STXBP6: variants seen among roughly 807,000 people sequenced by gnomAD.
The protein encoded by STXBP6 is syntaxin-binding protein 6.
A neutral mutation model predicts 26.9 loss-of-function variants in STXBP6; 21 were observed. The ratio of observed to expected loss-of-function variants is 0.78; its 90% confidence interval spans 0.55 to 1.12. STXBP6 has a LOEUF of 1.12. Ranked by LOEUF, STXBP6 falls within the 50% of genes most tolerant of loss-of-function variation. The pLI, the probability that STXBP6 is intolerant of heterozygous loss-of-function variation, is 0.00. For missense variants in STXBP6, 232 were observed against 257.9 expected (o/e 0.90, Z 0.69); for synonymous variants, 97 against 92.6 (o/e 1.05, Z -0.27).
chr14:24,819,889 A>T (rs1222703004), intron 4 of STXBP6, among the ~76,000 whole-genome samples: 4 of 152,124 alleles, frequency 2.6e-5, no homozygotes, highest in African/African-American at 9.7e-5. Flanking sequence ...TCAGGACCAT[A>T]CTTAACCAGC....
intron 4 of STXBP6, among the ~76,000 whole-genome samples, chr14:24,851,434 A>G (rs764917804): frequency 4.0e-5 from 5 of 125,496 alleles, no homozygotes; most frequent in African/African-American, 6.3e-5. Flanking sequence ...TCCCCTTCCT[A>G]TGTCCATGTG....
chr14:24,855,795 T>G (rs1370637563), intron 4 of STXBP6, 141 bp downstream of exon 4: 1 of 673,976 alleles, frequency 1.5e-6, no homozygotes. Flanking sequence ...CTCCCTGGAA[T>G]GGTTCTTATG....
chr14:24,833,277 C>T (rs949918099), intron 4 of STXBP6, among the ~76,000 whole-genome samples: 6 of 152,202 alleles, frequency 3.9e-5, no homozygotes, highest in Admixed American at 3.9e-4. Context: ...GCCACAATTC[C>T]TCTTGTAGGA....
At chr14:24,822,278 T>C (rs1399906581) in intron 4 of STXBP6, among the ~76,000 whole-genome samples, 1 of 152,160 alleles carries the variant, frequency 6.6e-6, no homozygotes, top group Non-Finnish European at 1.5e-5. Flanking sequence ...TCCTCACTTT[T>C]ATCCCATACA....
Position 24,811,091 on chromosome 14 carries a change from G to T in STXBP6, c.*1618C>A, listed in dbSNP as rs1452363392. 1.3e-5 allele frequency: 2 copies of T among 152,120 alleles called. No individual in the cohort carries two copies. Among genetic ancestry groups the T allele is most frequent in the Non-Finnish European group, 2.9e-5 (2 of 67,998 alleles). 9.4% of individuals were successfully genotyped at this position (152,120 alleles called of 1,614,324 possible). A position where few individuals can be genotyped will look rare whatever the true frequency, so the allele number is the denominator to read the frequency against. ...TACAGTTTATTAAATTTTATAGAGG[G>T]TTTTCTTGAATTGGATCATCTAAAA... On this transcript the variant is annotated 3_prime_UTR_variant, in exon 6 of 6. Transcript: ENST00000323944.
At chr14:24,977,343 C>T (rs894759936) in intron 1 of STXBP6, among the ~76,000 whole-genome samples, 5 of 151,962 alleles carry the variant, frequency 3.3e-5, no homozygotes, top group African/African-American at 1.2e-4. Context: ...TTAGGAAATC[C>T]TGTTCTTTTT....
At chr14:24,929,687 A>AG (rs1176746527) in intron 2 of STXBP6, among the ~76,000 whole-genome samples, 1 of 152,242 alleles carries the variant, frequency 6.6e-6, no homozygotes, top group African/African-American at 2.4e-5. Flanking sequence ...AAAATTTTAT[A>AG]GGCTGCACCA....
intron 1 of STXBP6, among the ~76,000 whole-genome samples, chr14:25,017,901 C>A (rs1473753984): frequency 6.6e-6 from 1 of 152,120 alleles, no homozygotes; most frequent in Non-Finnish European, 1.5e-5. Flanking sequence ...GCTTGCTATC[C>A]AGTAGCTCAA....
At chr14:24,906,743 G>A (rs2071398334) in intron 2 of STXBP6, among the ~76,000 whole-genome samples, 1 of 152,108 alleles carries the variant, frequency 6.6e-6, no homozygotes, top group Non-Finnish European at 1.5e-5. Context: ...TTCTAAGCTG[G>A]CAGTTGACTT....
chr14:25,034,522 G>T (rs1295133728), intron 1 of STXBP6, among the ~76,000 whole-genome samples: 2 of 152,132 alleles, frequency 1.3e-5, no homozygotes, highest in Admixed American at 6.5e-5. Context: ...AATGGCCCCA[G>T]GTTCTGACCA....
At chr14:24,959,209 C>T (rs774451872) in intron 2 of STXBP6, among the ~76,000 whole-genome samples, 2 of 152,166 alleles carry the variant, frequency 1.3e-5, no homozygotes, top group Non-Finnish European at 2.9e-5. Context: ...TGTATTATTT[C>T]TTTACTAACA....
chr14:24,946,003 G>A (rs1007542579), intron 2 of STXBP6, among the ~76,000 whole-genome samples: 3 of 152,148 alleles, frequency 2.0e-5, no homozygotes, highest in South Asian at 2.1e-4. Flanking sequence ...CTGGTGGATC[G>A]AGACATACAC....
Position 24,851,290 on chromosome 14 carries a change from GGTTA to G in STXBP6, c.451+4642_451+4645del, listed in dbSNP as rs2069144007. Among the ~76,000 whole-genome samples, 3 of 150,840 alleles carry G rather than the reference GGTTA, an allele frequency of 2.0e-5. No homozygotes were observed. In the South Asian group the frequency reaches 6.3e-4, roughly 32 times the overall value. On this transcript the variant is annotated intron_variant, in intron 4 of 5. Transcript: ENST00000323944. Reference sequence around the variant, plus strand: ...TTAGGGTACATGTGCACAACGTGCAGGTTAGTTACACATGTATACATGTGCCATG... The same window carrying G: ...TTAGGGTACATGTGCACAACGTGCAGGTTACACATGTATACATGTGCCATG...
At chr14:25,006,650 T>A (rs773248762) in intron 1 of STXBP6, among the ~76,000 whole-genome samples, 4 of 152,136 alleles carry the variant, frequency 2.6e-5, no homozygotes, top group Non-Finnish European at 4.4e-5. Context: ...ATCCAAAAAA[T>A]ATATTCACGA....
chr14:25,023,626 T>C (rs778495700), intron 1 of STXBP6, among the ~76,000 whole-genome samples: 3 of 151,736 alleles, frequency 2.0e-5, no homozygotes, highest in Admixed American at 6.6e-5. Context: ...CTGGGCAACA[T>C]AGCAAGACCC....
intron 2 of STXBP6, among the ~76,000 whole-genome samples, chr14:24,884,891 C>G (rs976414263): frequency 6.6e-6 from 1 of 152,084 alleles, no homozygotes; most frequent in Non-Finnish European, 1.5e-5. Context: ...TGTGTAAAGT[C>G]ACATGAGAAA....
At chr14:24,939,649 C>A (rs929895588) in intron 2 of STXBP6, among the ~76,000 whole-genome samples, 2 of 152,116 alleles carry the variant, frequency 1.3e-5, no homozygotes, top group Admixed American at 6.5e-5. Context: ...TGATTCTAGA[C>A]CATCGCTGTC....
At chr14:24,817,730 C>T in intron 5 of STXBP6, 2 of 236,854 alleles carry the variant, frequency 8.4e-6, no homozygotes, top group Non-Finnish European at 1.7e-5. Flanking sequence ...CAAGTTCACT[C>T]TCTGCCTCTG....
chr14:24,899,428 T>C (rs192515873), intron 2 of STXBP6, among the ~76,000 whole-genome samples: 2 of 152,046 alleles, frequency 1.3e-5, no homozygotes, highest in African/African-American at 4.8e-5. Flanking sequence ...AAGTAACAAT[T>C]AGAATCTTGT....
Sources: allele counts gnomAD v4.1 joint callset (sites outside exome capture counted in the v4.1 genomes callset), GRCh38; gene constraint gnomAD v4.1.1; transcripts MANE v1.5; gene names NCBI Gene and HGNC (gene_info 2026-07-23, HGNC 2026-07-21).